ZDHHC11: variants seen among roughly 807,000 people sequenced by gnomAD.
ZDHHC11 encodes zDHHC palmitoyltransferase 11.
In ZDHHC11, 44 loss-of-function variants were observed where a neutral mutation model predicts 51.3. The ratio of observed to expected loss-of-function variants is 0.86; its 90% CI spans 0.67 to 1.10. The LOEUF is 1.10. ZDHHC11 is among the 50% of genes least tolerant of loss of function. The pLI is 0.00. For synonymous variants in ZDHHC11, 163 were observed against 222.0 expected (o/e 0.73, Z 2.36); for missense variants, 400 against 537.7 (o/e 0.74, Z 2.53).
chr5:819,028 T>C lies in ZDHHC11; in HGVS notation c.1146+497A>G, dbSNP rs28435988. Among the ~76,000 whole-genome samples, 54 of 151,630 alleles carry C rather than the reference T, an allele frequency of 3.6e-4. 1 individual carries two copies. The highest frequency in any genetic ancestry group is 1.3e-3 in the African/African-American group (53 of 41,394). ...CACACACCATTCACACACATATACA[T>C]GACCACACACCACACACAAAACCAC... On this transcript the variant is annotated intron_variant, in intron 10 of 12. Coordinates refer to ENST00000283441, the MANE Select transcript of ZDHHC11 (RefSeq NM_024786.3).
At chr5:820,612 T>C (rs888778820) in intron 9 of ZDHHC11, among the ~76,000 whole-genome samples, 2 of 150,734 alleles carry the variant, frequency 1.3e-5, no homozygotes, top group African/African-American at 4.9e-5. Flanking sequence ...TTTCTGGCCA[T>C]GGTGGAGACT....
rs773007818 is a variant in ZDHHC11, at chr5:802,739, C to T, written c.1182-1575G>A. The stretch of plus-strand genomic sequence containing the variant: ...CTGTAATCCCAGCACTTTGGGAGAC[C>T]GAGGTGGGTGGATCACGAGGTCAGG... On this transcript the variant is annotated intron_variant, in intron 11 of 12. Coordinates refer to ENST00000283441, the MANE Select transcript of ZDHHC11 (RefSeq NM_024786.3). Among the ~76,000 whole-genome samples the T allele has an allele frequency of 6.0e-4, 82 of 137,528 alleles. 1 individual carries two copies. The highest frequency in any genetic ancestry group is 2.9e-3 in the South Asian group (12 of 4,138). 90.2% of individuals were successfully genotyped at this position (137,528 alleles called of 152,430 possible).
chr5:844,392 G>A (rs1296114706), intron 3 of ZDHHC11, among the ~76,000 whole-genome samples: 2 of 152,304 alleles, frequency 1.3e-5, no homozygotes, highest in African/African-American at 4.8e-5. Context: ...CAGAGATGCG[G>A]TGCGACTCGC....
intron 8 of ZDHHC11, chr5:824,138 T>C: frequency 2.2e-6 from 1 of 451,820 alleles, no homozygotes; most frequent in East Asian, 7.0e-5. Context: ...CTCCAGAAGC[T>C]GGCCCCATGA....
At chr5:817,437 C>T (rs1211196078) in intron 10 of ZDHHC11, among the ~76,000 whole-genome samples, 6 of 151,500 alleles carry the variant, frequency 4.0e-5, no homozygotes, top group African/African-American at 7.3e-5. Context: ...TTCCTTCACA[C>T]ACTATTTTTG....
chr5:802,848 A>C (rs1738648710), intron 11 of ZDHHC11, among the ~76,000 whole-genome samples: 15 of 89,618 alleles, frequency 1.7e-4, no homozygotes, highest in African/African-American at 8.9e-4. Context: ...AAAAAAAAAA[A>C]AAAAAAAAAA....
chr5:825,979 C>CT (rs1742313879), intron 7 of ZDHHC11, among the ~76,000 whole-genome samples: 2 of 135,522 alleles, frequency 1.5e-5, no homozygotes, highest in African/African-American at 5.4e-5. Flanking sequence ...CCGAGGACCT[C>CT]CACAGAGTCC....
chr5:805,472 A>G lies in ZDHHC11; in HGVS notation c.1182-4308T>C, dbSNP rs113841915. Among the ~76,000 whole-genome samples the G allele has an allele frequency of 4.1e-3, 595 of 146,290 alleles. 2 individuals are homozygous for G. Among genetic ancestry groups the G allele is most frequent in the Non-Finnish European group, 6.1e-3 (393 of 64,776 alleles). ...TGGTATTCAAACTAGGGTGTTATAC[A>G]TTTAAGACATTAATTATTATCCCCA... On this transcript the variant is annotated intron_variant, in intron 11 of 12. Transcript: ENST00000283441.
chr5:820,024 C>T (rs1235783265), intron 9 of ZDHHC11, among the ~76,000 whole-genome samples: 1 of 151,268 alleles, frequency 6.6e-6, no homozygotes, highest in Non-Finnish European at 1.5e-5. Flanking sequence ...TTCATTTTTA[C>T]CTGGAAATCC....
intron 11 of ZDHHC11, among the ~76,000 whole-genome samples, chr5:802,650 G>C (rs1271683341): frequency 6.7e-6 from 1 of 149,916 alleles, no homozygotes; most frequent in Non-Finnish European, 1.5e-5. Flanking sequence ...CTGCAACCTG[G>C]TCAGACATCT....
chr5:851,192 G>A (rs1299858644), upstream of ZDHHC11, among the ~76,000 whole-genome samples: 3 of 152,212 alleles, frequency 2.0e-5, no homozygotes, highest in Non-Finnish European at 4.4e-5. Flanking sequence ...CAGGACCCGA[G>A]AGCTCACTTC....
At chr5:801,075 T>A (rs1738344516) in intron 12 of ZDHHC11, 25 bp downstream of exon 12, 2 of 1,609,256 alleles carry the variant, frequency 1.2e-6, no homozygotes, top group Non-Finnish European at 8.5e-7. Context: ...GATTTCAACA[T>A]GACCCGCACT....
intron 3 of ZDHHC11, among the ~76,000 whole-genome samples, chr5:845,166 C>T (rs766367716): frequency 1.2e-3 from 188 of 152,376 alleles, no homozygotes; most frequent in Non-Finnish European, 2.3e-3. Flanking sequence ...CAGGCATGAG[C>T]GGCTCCCTGA....
At chr5:834,923 T>C (rs1240691744) in intron 6 of ZDHHC11, among the ~76,000 whole-genome samples, 3 of 152,086 alleles carry the variant, frequency 2.0e-5, no homozygotes, top group Non-Finnish European at 2.9e-5. Flanking sequence ...GTTTACTTTA[T>C]TGTGGCTTTC....
At chr5:805,378 T>C (rs7703701) in intron 11 of ZDHHC11, among the ~76,000 whole-genome samples, 150,604 of 150,706 alleles carry the variant, frequency 1, 75,251 homozygotes, top group Middle Eastern at 1. Flanking sequence ...TAGGAGGTTG[T>C]AGTGAGTTAT....
chr5:850,703 G>C lies in ZDHHC11; in HGVS notation c.-101C>G, dbSNP rs1204759888. 2 of 1,416,948 alleles carry C rather than the reference G, an allele frequency of 1.4e-6. No homozygotes were observed. Among genetic ancestry groups the C allele is most frequent in the Non-Finnish European group, 1.9e-6 (2 of 1,036,624 alleles). The allele number at this position is 1,416,948 out of a possible 1,614,324, so 87.8% of individuals were successfully genotyped here. On this transcript the variant is annotated 5_prime_UTR_variant, in exon 1 of 13. Coordinates refer to ENST00000283441, the MANE Select transcript of ZDHHC11 (RefSeq NM_024786.3). ...AAGGGGACTGGGAATGCAGCCGCCA[G>C]GACCAGCACTGACAGCCAATGGCCC...
At chr5:847,957 C>T (rs191248) in intron 2 of ZDHHC11, among the ~76,000 whole-genome samples, 1,952 of 143,140 alleles carry the variant, frequency 0.014, 8 homozygotes, top group African/African-American at 0.042. Context: ...GAGTTGAGGC[C>T]GGGGGCTTGG....
At chr5:803,239 C>A (rs1313717386) in intron 11 of ZDHHC11, among the ~76,000 whole-genome samples, 2 of 151,338 alleles carry the variant, frequency 1.3e-5, no homozygotes, top group East Asian at 3.9e-4. Context: ...CCTGAGGGAT[C>A]AATACAGAGG....
At chr5:797,673 AGAT>A (rs1737787382) in intron 12 of ZDHHC11, among the ~76,000 whole-genome samples, 2 of 151,534 alleles carry the variant, frequency 1.3e-5, no homozygotes, top group African/African-American at 4.8e-5. Flanking sequence ...TGTTCTCTTC[AGAT>A]ATTTCTGACT....
Sources: allele counts gnomAD v4.1 joint callset (sites outside exome capture counted in the v4.1 genomes callset), GRCh38; gene constraint gnomAD v4.1.1; transcripts MANE v1.5; gene names NCBI Gene and HGNC (gene_info 2026-07-23, HGNC 2026-07-21).